The following KBTBD11 variants were observed in gnomAD, a reference collection of about 807,000 sequenced individuals.
The protein encoded by KBTBD11 is kelch repeat and BTB domain-containing protein 11.
For missense variants in KBTBD11, 1,390 were observed against 1,001.8 expected, an observed-to-expected ratio of 1.39 and a Z score of -5.23; for synonymous variants, 747 against 499.0, an observed-to-expected ratio of 1.50 and a Z score of -6.63.
In KBTBD11 at chr8:2,000,897, G is replaced by C. The variant is rs1432348226; in HGVS notation, c.-296G>C. The C allele has an allele frequency of 2.9e-6, 1 of 347,858 alleles. No homozygotes were observed. The highest frequency in any genetic ancestry group is 2.1e-5 in the African/African-American group (1 of 47,624). The allele number at this position is 347,858 out of a possible 1,614,324, so 21.5% of individuals were successfully genotyped here. On this transcript the variant is annotated 5_prime_UTR_variant, in exon 2 of 2. Transcript: ENST00000320248. ...TGACGCGGTCCTGGCGCCAGCTGGA[G>C]ATCCATTCACCAAGACTTTCTGGGC... is the stretch of plus-strand genomic sequence containing the variant.
chr8:1,988,973 CT>C (rs1321647022), intron 1 of KBTBD11, among the ~76,000 whole-genome samples: 1 of 151,912 alleles, frequency 6.6e-6, no homozygotes, highest in Admixed American at 6.5e-5. Flanking sequence ...GCTGAGCGTC[CT>C]GGTAGGACAC....
chr8:1,980,384 G>A lies in KBTBD11; in HGVS notation c.-909+6449G>A, dbSNP rs188008749. On this transcript the variant is annotated intron_variant, in intron 1 of 1. Coordinates refer to ENST00000320248, the MANE Select transcript of KBTBD11 (RefSeq NM_014867.3). Reference sequence around the variant, plus strand: ...TGGGATTACAAGCATGCATCACCACGCCTGGCTAATTTTTGTATTTTTAGT... The same window carrying A: ...TGGGATTACAAGCATGCATCACCACACCTGGCTAATTTTTGTATTTTTAGT... 2.8e-4 allele frequency among the ~76,000 whole-genome samples: 42 copies of A among 152,116 alleles called. 1 individual carries two copies. The highest frequency in any genetic ancestry group is 9.2e-4 in the African/African-American group (38 of 41,520).
rs1817472664 is a variant in KBTBD11 at position 2,003,389 on chromosome 8, C to T, written c.*325C>T. On this transcript the variant is annotated 3_prime_UTR_variant, in exon 2 of 2. Coordinates refer to ENST00000320248, the MANE Select transcript of KBTBD11 (RefSeq NM_014867.3). ...TTCCTGAGGCAGCCTGCAGCCGGCC[C>T]CGGGGTGTCCCGAACCCCGCAGAGC... 1 of 254,710 alleles carries T rather than the reference C, an allele frequency of 3.9e-6. No homozygotes were observed. Among genetic ancestry groups the T allele is most frequent in the African/African-American group, 2.2e-5 (1 of 44,460 alleles). 15.8% of individuals were successfully genotyped at this position (254,710 alleles called of 1,614,324 possible). A position where few individuals can be genotyped will look rare whatever the true frequency, so the allele number is the denominator to read the frequency against.
chr8:1,975,382 G>A (rs1421124088), intron 1 of KBTBD11: 3 of 152,116 alleles, frequency 2.0e-5, no homozygotes, highest in Non-Finnish European at 4.4e-5. Flanking sequence ...CCAAGTTGAC[G>A]GTGGTCCTGT....
intron 1 of KBTBD11, among the ~76,000 whole-genome samples, chr8:1,980,218 G>A (rs541220647): frequency 2.1e-5 from 3 of 139,964 alleles, no homozygotes; most frequent in Non-Finnish European, 3.0e-5. Flanking sequence ...GTGAAATACT[G>A]ATAATCAAAC....
In KBTBD11 at chr8:2,002,463, G is replaced by C. The variant is rs1345630561; in HGVS notation, c.1271G>C (p.Ser424Thr). Residue 424 changes from serine (S) to threonine (T), a missense_variant, in exon 2 of 2, where the codon AGC becomes ACC. Transcript: ENST00000320248. This position sits in a 1 kb window ranked among gnomAD's most constrained non-coding sequence, Gnocchi z 4.1. The part of the protein sequence containing the change: ...LYAVGGECLL[S>T]VERYDPRADR... ...GCCGTGGGCGGCGAGTGCCTGCTCA[G>C]CGTGGAGCGCTACGACCCGCGCGCC... 18 of 1,511,406 alleles carry C rather than the reference G, an allele frequency of 1.2e-5. No individual in the cohort carries two copies. The highest frequency in any genetic ancestry group is 4.2e-5 in the Admixed American group (2 of 48,182). The allele number at this position is 1,511,406 out of a possible 1,614,324, so 93.6% of individuals were successfully genotyped here. A position where few individuals can be genotyped will look rare whatever the true frequency, so the allele number is the denominator to read the frequency against.
rs1349080662 is a variant in KBTBD11 at position 2,002,879 on chromosome 8, T to C, written c.1687T>C (p.Tyr563His). 2.2e-6 allele frequency: 3 copies of C among 1,339,224 alleles called. No homozygotes were observed. Among genetic ancestry groups the C allele is most frequent in the Non-Finnish European group, 2.9e-6 (3 of 1,050,986 alleles). The allele number at this position is 1,339,224 out of a possible 1,614,324, so 83.0% of individuals were successfully genotyped here. A position where few individuals can be genotyped will look rare whatever the true frequency, so the allele number is the denominator to read the frequency against. Reference protein sequence around the residue: ...FRCAALDGAIYCVSRAGTWRF... With the variant: ...FRCAALDGAIHCVSRAGTWRF... Reference sequence around the variant, plus strand: ...CTGCGCCGCCCTGGACGGCGCCATCTACTGCGTGAGCCGCGCGGGCACCTG... The same window carrying C: ...CTGCGCCGCCCTGGACGGCGCCATCCACTGCGTGAGCCGCGCGGGCACCTG... The change falls in exon 2 of 2, where the codon TAC becomes CAC. Residue 563 changes from tyrosine (Y) to histidine (H), a missense_variant. Coordinates refer to ENST00000320248, the MANE Select transcript of KBTBD11 (RefSeq NM_014867.3). The surrounding 1 kb of genome is among the most constrained non-coding windows in gnomAD (Gnocchi z 4.1).
Position 2,001,252 on chromosome 8 carries a change from G to A in KBTBD11, c.60G>A (p.Gly20=), listed in dbSNP as rs1563378389. 3 of 1,505,682 alleles carry A rather than the reference G, an allele frequency of 2.0e-6. No individual in the cohort carries two copies. Among genetic ancestry groups the A allele is most frequent in the Admixed American group, 2.0e-5 (1 of 49,220 alleles). 93.3% of individuals were successfully genotyped at this position (1,505,682 alleles called of 1,614,324 possible). A position where few individuals can be genotyped will look rare whatever the true frequency, so the allele number is the denominator to read the frequency against. Residue 20 remains glycine, a synonymous_variant, in exon 2 of 2, where the codon GGG becomes GGA. Coordinates refer to ENST00000320248, the MANE Select transcript of KBTBD11 (RefSeq NM_014867.3). The part of the protein sequence containing the change: ...LYPGTEPGAA[G]ESESEGAASP... ...CAGGGACTGAGCCCGGGGCTGCCGG[G>A]GAGAGCGAGAGCGAGGGCGCCGCGT...
rs913119941 is a variant in KBTBD11, at chr8:1,978,555, C to T, written c.-909+4620C>T. 6.6e-5 allele frequency among the ~76,000 whole-genome samples: 10 copies of T among 152,188 alleles called. No homozygotes were observed. In the East Asian group the frequency reaches 7.7e-4, roughly 12 times the overall value. ...CCTGTGTGTTGAGTCAGGGTCACCA[C>T]GGACTGTGACCTGAGAAAACAGCCA... On this transcript the variant is annotated intron_variant, in intron 1 of 1. Coordinates refer to ENST00000320248, the MANE Select transcript of KBTBD11 (RefSeq NM_014867.3).
intron 1 of KBTBD11, among the ~76,000 whole-genome samples, chr8:1,993,564 TCCA>T (rs1817016430): frequency 1.2e-4 from 10 of 82,086 alleles, no homozygotes; most frequent in African/African-American, 4.7e-4. Flanking sequence ...CACCCATCCA[TCCA>T]TCCATCCATC....
At chr8:1,995,457 C>G (rs1432578607) in intron 1 of KBTBD11, among the ~76,000 whole-genome samples, 1 of 152,114 alleles carries the variant, frequency 6.6e-6, no homozygotes, top group Non-Finnish European at 1.5e-5. Flanking sequence ...TAGTTTTAGG[C>G]TGTGTAATTC....
chr8:1,985,611 C>T (rs1034383150), intron 1 of KBTBD11, among the ~76,000 whole-genome samples: 7 of 152,222 alleles, frequency 4.6e-5, no homozygotes, highest in East Asian at 3.8e-4. Context: ...CATCTCACCC[C>T]GAACACGCTA....
intron 1 of KBTBD11, among the ~76,000 whole-genome samples, chr8:1,983,293 G>T (rs1715720925): frequency 6.6e-6 from 1 of 152,124 alleles, no homozygotes; most frequent in African/African-American, 2.4e-5. Context: ...CCTCATCTAG[G>T]CCAGGTCATC....
At chr8:1,977,590 G>C (rs4876258) in intron 1 of KBTBD11, among the ~76,000 whole-genome samples, 99,041 of 151,776 alleles carry the variant, frequency 0.65, 32,476 homozygotes, top group East Asian at 0.82. Context: ...GTGGCACCAT[G>C]TCAGCTCACG....
rs1418419656 is a variant in KBTBD11, at chr8:2,006,141, C to T, written c.*3077C>T. On this transcript the variant is annotated 3_prime_UTR_variant, in exon 2 of 2. Coordinates refer to ENST00000320248, the MANE Select transcript of KBTBD11 (RefSeq NM_014867.3). ...AAAACTCGTGACTGTATAAGTTTGG[C>T]TACAAATAAGTAAGAAATTAATCAT... The T allele has an allele frequency of 6.0e-6, 1 of 167,182 alleles. No homozygotes were observed. Among genetic ancestry groups the T allele is most frequent in the Non-Finnish European group, 1.5e-5 (1 of 68,116 alleles). 10.4% of individuals were successfully genotyped at this position (167,182 alleles called of 1,614,324 possible).
chr8:1,984,992 G>A (rs1269716567), intron 1 of KBTBD11, among the ~76,000 whole-genome samples: 2 of 152,182 alleles, frequency 1.3e-5, no homozygotes, highest in African/African-American at 2.4e-5. Context: ...AGGGTGGAAT[G>A]GCCTGGCAGT....
chr8:1,983,749 C>G (rs1157094020), intron 1 of KBTBD11, among the ~76,000 whole-genome samples: 3 of 152,260 alleles, frequency 2.0e-5, no homozygotes, highest in Non-Finnish European at 2.9e-5. Flanking sequence ...TTCAGCTTAT[C>G]TCTCCCAATT....
At chr8:1,995,715 C>A (rs555904345) in intron 1 of KBTBD11, among the ~76,000 whole-genome samples, 42 of 152,054 alleles carry the variant, frequency 2.8e-4, no homozygotes, top group Non-Finnish European at 2.5e-4. Flanking sequence ...GAAAGTGAAC[C>A]AATACATTGA....
rs1473720456 is a variant in KBTBD11 at position 2,001,406 on chromosome 8, CG to C, written c.217del (p.Val73TrpfsTer107). The C allele has an allele frequency of 5.7e-6, 8 of 1,403,642 alleles. No homozygotes were observed. The highest frequency in any genetic ancestry group is 1.5e-5 in the African/African-American group (1 of 66,260). The allele number at this position is 1,403,642 out of a possible 1,614,324, so 86.9% of individuals were successfully genotyped here. The stretch of plus-strand genomic sequence containing the variant: ...CTCCCCGCCCTCCAGCGGTGGCCCG[CG>C]GGTGGTGGAGCGGCAGTGGGAGGCC... ...ATSPPSSGGP[R>X]VVERQWEAGS... On this transcript the variant is annotated frameshift_variant, in exon 2 of 2. Coordinates refer to ENST00000320248, the MANE Select transcript of KBTBD11 (RefSeq NM_014867.3). LOFTEE classifies it low-confidence loss of function (END_TRUNC).
Sources: allele counts gnomAD v4.1 joint callset (sites outside exome capture counted in the v4.1 genomes callset), GRCh38; gene constraint gnomAD v4.1.1; non-coding constraint Gnocchi (gnomAD v3.1); transcripts MANE v1.5; gene names NCBI Gene and HGNC (gene_info 2026-07-23, HGNC 2026-07-21).